The following PSMD1 variants were observed in gnomAD, a reference collection of about 807,000 sequenced individuals.
The protein encoded by PSMD1 is proteasome 26S subunit, non-ATPase 1.
In PSMD1, 18 loss-of-function variants were observed where a neutral mutation model predicts 119.0. That is an observed-to-expected ratio of 0.15 (90% confidence interval 0.10 to 0.22). The LOEUF (loss-of-function observed/expected upper bound fraction) is 0.22, where lower values mean the gene tolerates loss of function less well. Among genes scored for constraint, PSMD1 ranks in the 10% least tolerant of loss-of-function variants. PSMD1 has a pLI of 1.00. For synonymous variants in PSMD1, 374 were observed against 396.6 expected (o/e 0.94, Z 0.68); for missense variants, 702 against 1,158.5 (o/e 0.61, Z 5.72).
intron 19 of PSMD1, among the ~76,000 whole-genome samples, chr2:231,156,360 G>A (rs1205517747): frequency 6.6e-6 from 1 of 152,018 alleles, no homozygotes; most frequent in African/African-American, 2.4e-5. Context: ...ATTAACTAAA[G>A]TCCCTAGTTT....
chr2:231,093,957 G>C (rs888530782), intron 16 of PSMD1, among the ~76,000 whole-genome samples: 1 of 152,162 alleles, frequency 6.6e-6, no homozygotes, highest in African/African-American at 2.4e-5. Flanking sequence ...CAAAAGTTAA[G>C]AGTAGATGTT....
chr2:231,083,048 A>G, intron 13 of PSMD1, 54 bp downstream of exon 13: 1 of 1,305,278 alleles, frequency 7.7e-7, no homozygotes, highest in Non-Finnish European at 1.1e-6. Flanking sequence ...ATGTAAATGT[A>G]ATTACATTAG....
intron 16 of PSMD1, among the ~76,000 whole-genome samples, chr2:231,127,832 T>C (rs1467085347): frequency 1.3e-5 from 2 of 152,248 alleles, no homozygotes; most frequent in Non-Finnish European, 2.9e-5. Context: ...AGTGAAGTTT[T>C]TAATATCTGG....
chr2:231,123,474 C>T (rs750428024), intron 16 of PSMD1: 31 of 1,613,936 alleles, frequency 1.9e-5, no homozygotes, highest in African/African-American at 2.7e-5. Flanking sequence ...AATCAGCCAC[C>T]GCCAAGGACA....
chr2:231,075,555 G>C lies in PSMD1; in HGVS notation c.926G>C (p.Gly309Ala). 1 of 1,601,602 alleles carries C rather than the reference G, an allele frequency of 6.2e-7. No individual in the cohort carries two copies. The highest frequency in any genetic ancestry group is 8.5e-7 in the Non-Finnish European group (1 of 1,176,742). The change falls in exon 8 of 25, where the codon GGA becomes GCA. Residue 309 changes from glycine (G) to alanine (A), a missense_variant. This residue lies in a region of PSMD1 where 69 missense variants were observed against 71.6 expected (regional missense o/e 0.96). Coordinates refer to ENST00000308696, the MANE Select transcript of PSMD1 (RefSeq NM_002807.4). ...TEEKTSSAFVGKTPEASPEPK... is the reference protein window; with the variant it reads ...TEEKTSSAFVAKTPEASPEPK... Reference sequence around the variant, plus strand: ...GAAAAGACAAGCAGTGCATTTGTAGGAAAGACACCAGAAGCCGTGAGTGTG... The same window carrying C: ...GAAAAGACAAGCAGTGCATTTGTAGCAAAGACACCAGAAGCCGTGAGTGTG...
At chr2:231,081,865 C>T (rs1178675519) in intron 12 of PSMD1, among the ~76,000 whole-genome samples, 1 of 152,148 alleles carries the variant, frequency 6.6e-6, no homozygotes, top group Non-Finnish European at 1.5e-5. Flanking sequence ...TGTCTTTAGC[C>T]TCTCACTCTG....
At chr2:231,166,048 A>G (rs369757637) in intron 23 of PSMD1, 31 bp downstream of exon 23, 39 of 1,564,190 alleles carry the variant, frequency 2.5e-5, no homozygotes, top group Non-Finnish European at 3.4e-5. Flanking sequence ...AGCTGTATAT[A>G]CCAGTGGGAT....
At chr2:231,164,980 A>G (rs1465573274) in intron 21 of PSMD1, 1 of 130,040 alleles carries the variant, frequency 7.7e-6, no homozygotes, top group Admixed American at 8.1e-5. Context: ...GTAGTAAATT[A>G]TTTCAGTAAA....
Position 231,056,912 on chromosome 2 carries a change from A to G in PSMD1, c.-114A>G. The G allele has an allele frequency of 7.1e-7, 1 of 1,415,288 alleles. No homozygotes were observed. The highest frequency in any genetic ancestry group is 1.5e-5 in the African/African-American group (1 of 68,132). 87.7% of individuals were successfully genotyped at this position (1,415,288 alleles called of 1,614,324 possible). A position where few individuals can be genotyped will look rare whatever the true frequency, so the allele number is the denominator to read the frequency against. On this transcript the variant is annotated 5_prime_UTR_variant, in exon 1 of 25. Coordinates refer to ENST00000308696, the MANE Select transcript of PSMD1 (RefSeq NM_002807.4). ...GGCGGCCTGAGGAGGCGACTGACTGAGCAGCGCACCCGGGGAGCAAGGAGG... is the reference window on the plus strand; with the variant it reads ...GGCGGCCTGAGGAGGCGACTGACTGGGCAGCGCACCCGGGGAGCAAGGAGG...
In PSMD1 at chr2:231,146,220, G is replaced by A. The variant is rs1220789481; in HGVS notation, c.1999-20G>A. The A allele has an allele frequency of 7.7e-5, 118 of 1,530,090 alleles. No homozygotes were observed. The highest frequency in any genetic ancestry group is 1.0e-4 in the Non-Finnish European group (116 of 1,107,824). 94.8% of individuals were successfully genotyped at this position (1,530,090 alleles called of 1,614,324 possible). A position where few individuals can be genotyped will look rare whatever the true frequency, so the allele number is the denominator to read the frequency against. On this transcript the variant is annotated intron_variant, in intron 17 of 24. Transcript: ENST00000308696. ...TATCAACTTTATTTAAAAGTTGTGT[G>A]TTTTTTTAAATTCTTTCAGGAAGCC...
chr2:231,077,393 C>A (rs369946911), intron 9 of PSMD1, among the ~76,000 whole-genome samples: 1 of 151,972 alleles, frequency 6.6e-6, no homozygotes, highest in African/African-American at 2.4e-5. Flanking sequence ...TATTGGGGAG[C>A]TTAGTTAACT....
chr2:231,130,392 C>T (rs1695825561), intron 16 of PSMD1, among the ~76,000 whole-genome samples: 1 of 152,210 alleles, frequency 6.6e-6, no homozygotes, highest in African/African-American at 2.4e-5. Context: ...CTCTCCACTG[C>T]CCTTCCCTAA....
At chr2:231,153,176 T>C (rs1346176279) in intron 18 of PSMD1, among the ~76,000 whole-genome samples, 1 of 152,222 alleles carries the variant, frequency 6.6e-6, no homozygotes, top group African/African-American at 2.4e-5. Flanking sequence ...TGAAGGACCA[T>C]GCTTTTTAGG....
intron 16 of PSMD1, among the ~76,000 whole-genome samples, chr2:231,119,224 A>G (rs1006701535): frequency 2.0e-5 from 3 of 152,158 alleles, no homozygotes; most frequent in Admixed American, 6.5e-5. Flanking sequence ...GTAGGCTAAC[A>G]TTTTACTGCA....
intron 4 of PSMD1, among the ~76,000 whole-genome samples, chr2:231,064,373 G>A (rs532552218): frequency 6.6e-6 from 1 of 152,270 alleles, no homozygotes; most frequent in Admixed American, 6.5e-5. Context: ...ATGAGGCTGA[G>A]TTTTAGTTAT....
At chr2:231,093,647 T>C (rs1694653865) in intron 16 of PSMD1, among the ~76,000 whole-genome samples, 1 of 152,212 alleles carries the variant, frequency 6.6e-6, no homozygotes, top group African/African-American at 2.4e-5. Flanking sequence ...AGGTTTTATG[T>C]CTTGAGAGGT....
chr2:231,065,458 A>C (rs538333672), intron 4 of PSMD1, among the ~76,000 whole-genome samples: 36 of 86,386 alleles, frequency 4.2e-4, no homozygotes, highest in Admixed American at 5.7e-4. Context: ...ACACCCGGCT[A>C]ATTTTTTTTT....
intron 16 of PSMD1, among the ~76,000 whole-genome samples, chr2:231,089,520 T>C (rs1436770274): frequency 1.3e-5 from 2 of 152,016 alleles, no homozygotes; most frequent in Admixed American, 1.3e-4. Flanking sequence ...TTCTACGTGT[T>C]CTAGAAATGA....
intron 17 of PSMD1, among the ~76,000 whole-genome samples, chr2:231,143,296 C>G (rs1696172759): frequency 6.6e-6 from 1 of 152,074 alleles, no homozygotes. Flanking sequence ...GTGGCGCTAT[C>G]TCGGCTCACT....
Sources: allele counts gnomAD v4.1 joint callset (sites outside exome capture counted in the v4.1 genomes callset), GRCh38; gene constraint gnomAD v4.1.1; regional missense constraint gnomAD v4.1.1; transcripts MANE v1.5; gene names NCBI Gene and HGNC (gene_info 2026-07-23, HGNC 2026-07-21).